The following ZMIZ1 variants were observed in gnomAD, a reference collection of about 807,000 sequenced individuals.
ZMIZ1 encodes zinc finger MIZ-type containing 1, also known as zinc finger MIZ domain-containing protein 1.
ZMIZ1 carries 17 observed loss-of-function variants against 113.9 expected under a neutral mutation model. That is an observed-to-expected ratio of 0.15 (90% CI 0.10 to 0.22). ZMIZ1 has a LOEUF of 0.22. ZMIZ1 is among the 10% of genes least tolerant of loss of function. The pLI, the probability that ZMIZ1 is intolerant of heterozygous loss-of-function variation, is 1.00. For synonymous variants in ZMIZ1, 607 were observed against 603.1 expected (o/e 1.01, Z -0.09); for missense variants, 1,059 against 1,477.8 (o/e 0.72, Z 4.65).
At chr10:79,172,241 G>A (rs899950620) in intron 4 of ZMIZ1, among the ~76,000 whole-genome samples, 2 of 152,104 alleles carry the variant, frequency 1.3e-5, no homozygotes, top group Non-Finnish European at 2.9e-5. Flanking sequence ...CAGGAACATG[G>A]CGGGTGAGGA....
chr10:79,240,162 G>A (rs1279963391), intron 7 of ZMIZ1, among the ~76,000 whole-genome samples: 3 of 116,374 alleles, frequency 2.6e-5, no homozygotes, highest in Non-Finnish European at 4.3e-5. Context: ...GAGCCGCAGC[G>A]CGGGGGCTGC....
chr10:79,150,144 C>T (rs1418604675), intron 3 of ZMIZ1, among the ~76,000 whole-genome samples: 1 of 152,152 alleles, frequency 6.6e-6, no homozygotes. Flanking sequence ...AGGGATGAGG[C>T]GAAACCCAAC....
At chr10:79,255,175 A>C (rs1564555657) in intron 7 of ZMIZ1, among the ~76,000 whole-genome samples, 1 of 152,178 alleles carries the variant, frequency 6.6e-6, no homozygotes, top group African/African-American at 2.4e-5. Flanking sequence ...GCAGCCACTG[A>C]GCTCACGACA....
intron 2 of ZMIZ1, among the ~76,000 whole-genome samples, chr10:79,130,018 C>T (rs771119679): frequency 1.3e-5 from 2 of 152,240 alleles, no homozygotes; most frequent in Non-Finnish European, 2.9e-5. Context: ...GCTGGGCATC[C>T]AAGCCCCCAG....
chr10:79,262,696 C>T (rs1244964655), intron 7 of ZMIZ1, among the ~76,000 whole-genome samples: 1 of 152,210 alleles, frequency 6.6e-6, no homozygotes, highest in Non-Finnish European at 1.5e-5. Context: ...ACGGCGTGTG[C>T]TTGTGCACGA....
chr10:79,166,017 G>GCT (rs1846330704), intron 4 of ZMIZ1, among the ~76,000 whole-genome samples: 1 of 17,176 alleles, frequency 5.8e-5, no homozygotes, highest in Non-Finnish European at 1.2e-4. Flanking sequence ...CTCCCTGCAG[G>GCT]GTGGGGCAGT....
chr10:79,181,094 T>C lies in ZMIZ1; in HGVS notation c.-50+18961T>C, dbSNP rs186680709. ...CTTTCCCAGGAGGCAGAGCTGTGGG[T>C]TCCCACTGAGACGGACCAAGAGTCA... On this transcript the variant is annotated intron_variant, in intron 4 of 24. Coordinates refer to ENST00000334512, the MANE Select transcript of ZMIZ1 (RefSeq NM_020338.4). Among the ~76,000 whole-genome samples, 532 of 152,094 alleles carry C rather than the reference T, an allele frequency of 3.5e-3. 5 individuals carry two copies. The highest frequency in any genetic ancestry group is 0.012 in the African/African-American group (489 of 41,484).
chr10:79,127,977 G>A (rs539194133), intron 2 of ZMIZ1, among the ~76,000 whole-genome samples: 9 of 152,184 alleles, frequency 5.9e-5, no homozygotes, highest in African/African-American at 2.2e-4. Flanking sequence ...CTTTTTCCTG[G>A]GTGCTGGAAG....
In ZMIZ1 at chr10:79,298,509, C is replaced by A; in HGVS notation, c.1595C>A (p.Pro532His). ...AGCAGCATCCCTCCATACCTGTCCC[C>A]CAGCCAAGACGTCAAACCACCCTTC... ...PGSSIPPYLS[P>H]SQDVKPPFPP... The change falls in exon 15 of 25, where the codon CCC becomes CAC. Residue 532 changes from proline to histidine, a missense_variant. Pro to His is a moderately conservative substitution (Grantham distance 77). This residue lies in a region of ZMIZ1 where 239 missense variants were observed against 247.5 expected (regional missense o/e 0.97). Transcript: ENST00000334512. 3.1e-6 allele frequency: 5 copies of A among 1,603,492 alleles called. No homozygotes were observed. The highest frequency in any genetic ancestry group is 4.3e-6 in the Non-Finnish European group (5 of 1,175,470).
intron 4 of ZMIZ1, among the ~76,000 whole-genome samples, chr10:79,198,695 G>A (rs919844901): frequency 2.6e-5 from 4 of 152,288 alleles, no homozygotes; most frequent in East Asian, 1.9e-4. Flanking sequence ...ATTCACACAC[G>A]TGTGATGTGC....
At chr10:79,103,302 G>A (rs867714405) in intron 1 of ZMIZ1, among the ~76,000 whole-genome samples, 2 of 152,118 alleles carry the variant, frequency 1.3e-5, no homozygotes, top group African/African-American at 2.4e-5. Flanking sequence ...GCCTGGGGTG[G>A]GGGGCTGTAA....
At chr10:79,180,728 G>T (rs553323507) in intron 4 of ZMIZ1, among the ~76,000 whole-genome samples, 85 of 152,352 alleles carry the variant, frequency 5.6e-4, no homozygotes, top group African/African-American at 2.0e-3. Flanking sequence ...GCCCACAGGG[G>T]CCTCTGCTCA....
At chr10:79,294,037 A>G (rs1388995757) in intron 12 of ZMIZ1, 2 of 291,598 alleles carry the variant, frequency 6.9e-6, no homozygotes, top group Non-Finnish European at 6.7e-6. Context: ...AGCTTCCCCA[A>G]CTCCTCTCCA....
intron 7 of ZMIZ1, among the ~76,000 whole-genome samples, chr10:79,219,024 G>T (rs914471770): frequency 6.6e-5 from 10 of 150,480 alleles, no homozygotes; most frequent in African/African-American, 2.4e-4. Flanking sequence ...GGCTATAAAA[G>T]AACAGATTGC....
chr10:79,271,195 G>T (rs149187615), intron 7 of ZMIZ1, among the ~76,000 whole-genome samples: 114 of 152,332 alleles, frequency 7.5e-4, no homozygotes, highest in South Asian at 1.2e-3. Flanking sequence ...GGAGCTTCGT[G>T]CCTGCCCAGG....
intron 1 of ZMIZ1, among the ~76,000 whole-genome samples, chr10:79,100,361 T>G (rs1382682863): frequency 6.6e-6 from 1 of 150,986 alleles, no homozygotes; most frequent in East Asian, 1.9e-4. Context: ...AATCCAGCAC[T>G]TTGGGAGGTC....
intron 1 of ZMIZ1, among the ~76,000 whole-genome samples, chr10:79,103,055 A>G (rs753531376): frequency 5.9e-5 from 9 of 152,174 alleles, no homozygotes; most frequent in Non-Finnish European, 1.3e-4. Flanking sequence ...GCGATGTGTT[A>G]CGGAGCGGCT....
Position 79,238,771 on chromosome 10 carries a change from G to A in ZMIZ1, c.280+22497G>A, listed in dbSNP as rs79947827. Reference sequence around the variant, plus strand: ...GGGCAAATTGTCTAAACCTCCCTGCGCCTCTGTTTTAGTTTCTGTACAGTG... The same window carrying A: ...GGGCAAATTGTCTAAACCTCCCTGCACCTCTGTTTTAGTTTCTGTACAGTG... On this transcript the variant is annotated intron_variant, in intron 7 of 24. Transcript: ENST00000334512. 2.5e-3 allele frequency among the ~76,000 whole-genome samples: 377 copies of A among 152,238 alleles called. 2 individuals are homozygous for A. Among genetic ancestry groups the A allele is most frequent in the African/African-American group, 8.8e-3 (365 of 41,528 alleles).
intron 7 of ZMIZ1, among the ~76,000 whole-genome samples, chr10:79,257,679 G>A (rs1435455614): frequency 1.3e-5 from 2 of 152,222 alleles, no homozygotes; most frequent in East Asian, 3.8e-4. Flanking sequence ...CCCTCCCCAG[G>A]CCCCATCCTG....
Sources: gnomAD v4.1 joint callset for allele counts (sites outside exome capture counted in the v4.1 genomes callset) on GRCh38, gnomAD v4.1.1 for gene constraint, gnomAD v4.1.1 regional missense constraint, MANE v1.5 for transcripts, NCBI Gene and HGNC (gene_info 2026-07-23, HGNC 2026-07-21) for gene names.